The following MUC7 variants were observed in gnomAD, a reference collection of about 807,000 sequenced individuals.
The protein encoded by MUC7 is mucin 7, secreted, also known as mucin-7.
A neutral mutation model predicts 2.5 loss-of-function variants in MUC7; 2 were observed. The ratio of observed to expected loss-of-function variants is 0.81; its 90% CI spans 0.33 to 2.55. MUC7 has a LOEUF of 2.55. Among genes scored for constraint, MUC7 ranks in the 30% most tolerant of loss-of-function variants. MUC7 has a pLI of 0.11. For missense variants in MUC7, 408 were observed against 455.6 expected (o/e 0.90, Z 0.95); for synonymous variants, 133 against 173.4 (o/e 0.77, Z 1.83).
chr4:70,435,126 A>T (rs1733793365), intron 1 of MUC7, among the ~76,000 whole-genome samples: 1 of 152,076 alleles, frequency 6.6e-6, no homozygotes, highest in Admixed American at 6.6e-5. Flanking sequence ...TTTATTTCCA[A>T]TTATGTGGTC....
At chr4:70,435,026 T>A (rs1254842294) in intron 1 of MUC7, among the ~76,000 whole-genome samples, 2 of 152,204 alleles carry the variant, frequency 1.3e-5, no homozygotes, top group Non-Finnish European at 1.5e-5. Context: ...TTTGAGTGAG[T>A]TTCTTAATCC....
chr4:70,433,867 T>C (rs762572288), intron 1 of MUC7, among the ~76,000 whole-genome samples: 2 of 152,230 alleles, frequency 1.3e-5, no homozygotes, highest in African/African-American at 2.4e-5. Context: ...GGGATTGTCA[T>C]AAATAGCTCT....
intron 1 of MUC7, among the ~76,000 whole-genome samples, chr4:70,431,811 A>G (rs1733674084): frequency 1.3e-5 from 2 of 152,016 alleles, no homozygotes; most frequent in Admixed American, 6.6e-5. Context: ...GGTTTCTTAC[A>G]TATGTATACA....
In MUC7 at chr4:70,481,886, T is replaced by C; in HGVS notation, c.*8T>C. 6.2e-7 allele frequency: 1 copy of C among 1,611,174 alleles called. No individual in the cohort carries two copies. The highest frequency in any genetic ancestry group is 8.5e-7 in the Non-Finnish European group (1 of 1,178,628). On this transcript the variant is annotated 3_prime_UTR_variant, in exon 3 of 3. Transcript: ENST00000304887. Reference sequence around the variant, plus strand: ...GACATGGTGGAGCAATAGTATATTGTATGTTGTAAAGTGTTCTGTCATTTA... The same window carrying C: ...GACATGGTGGAGCAATAGTATATTGCATGTTGTAAAGTGTTCTGTCATTTA...
At chr4:70,454,668 A>C (rs2109718991) in intron 1 of MUC7, among the ~76,000 whole-genome samples, 1 of 152,252 alleles carries the variant, frequency 6.6e-6, no homozygotes, top group East Asian at 1.9e-4. Context: ...TTTTCTGTGT[A>C]GATAGTGGTC....
Position 70,435,529 on chromosome 4 carries a change from G to A in MUC7, c.-93+4842G>A, listed in dbSNP as rs147985326. 9.9e-5 allele frequency among the ~76,000 whole-genome samples: 15 copies of A among 152,246 alleles called. No individual in the cohort carries two copies. In the East Asian group the frequency reaches 2.9e-3, roughly 29 times the overall value. ...ATCAGAGACTAGGATTGCAACCCCT[G>A]CTTTTTCTTGCTTTCCATTTCCTTG... On this transcript the variant is annotated intron_variant, in intron 1 of 3. Transcript: ENST00000413702.
intron 1 of MUC7, among the ~76,000 whole-genome samples, chr4:70,431,951 A>G (rs1053260557): frequency 6.6e-6 from 1 of 151,950 alleles, no homozygotes. Context: ...CCTGTGTCCA[A>G]GTGTTCTCAT....
intron 2 of MUC7, among the ~76,000 whole-genome samples, chr4:70,475,836 C>T (rs1734982526): frequency 6.6e-6 from 1 of 152,066 alleles, no homozygotes; most frequent in Non-Finnish European, 1.5e-5. Context: ...AGAGAGAGGG[C>T]AGAAGAACTG....
At chr4:70,459,765 C>T (rs1197954903) in intron 1 of MUC7, among the ~76,000 whole-genome samples, 1 of 152,032 alleles carries the variant, frequency 6.6e-6, no homozygotes, top group Non-Finnish European at 1.5e-5. Flanking sequence ...ATAATGAATA[C>T]AAAAATTTCA....
At chr4:70,461,936 C>T (rs1734567538) in intron 1 of MUC7, among the ~76,000 whole-genome samples, 1 of 152,160 alleles carries the variant, frequency 6.6e-6, no homozygotes, top group African/African-American at 2.4e-5. Context: ...GCTGGGCCGA[C>T]CATAGTGGCC....
At chr4:70,442,398 G>C (rs1157261017) in intron 1 of MUC7, among the ~76,000 whole-genome samples, 2 of 152,162 alleles carry the variant, frequency 1.3e-5, no homozygotes, top group Non-Finnish European at 2.9e-5. Flanking sequence ...CTGGCCTGCA[G>C]CCCACCTGCT....
chr4:70,478,086 C>A (rs571835462), intron 2 of MUC7, among the ~76,000 whole-genome samples: 1 of 152,200 alleles, frequency 6.6e-6, no homozygotes, highest in East Asian at 1.9e-4. Context: ...TTAAGTAAAT[C>A]AAACAAACTG....
At chr4:70,431,213 G>GA (rs1233288616) in intron 1 of MUC7, among the ~76,000 whole-genome samples, 2 of 152,014 alleles carry the variant, frequency 1.3e-5, no homozygotes, top group Non-Finnish European at 2.9e-5. Flanking sequence ...GAACATATGA[G>GA]AAAAATGTTT....
chr4:70,473,671 A>G (rs1279678754), intron 1 of MUC7, among the ~76,000 whole-genome samples: 1 of 152,172 alleles, frequency 6.6e-6, no homozygotes, highest in Non-Finnish European at 1.5e-5. Context: ...TGAATTAGAA[A>G]AGAAATAAGA....
intron 1 of MUC7, among the ~76,000 whole-genome samples, chr4:70,447,818 A>T (rs1455208153): frequency 6.6e-6 from 1 of 152,172 alleles, no homozygotes; most frequent in Non-Finnish European, 1.5e-5. Flanking sequence ...AGTTATTTTT[A>T]AATGTACAAT....
chr4:70,467,171 A>C (rs535283503), intron 1 of MUC7, among the ~76,000 whole-genome samples: 173 of 152,374 alleles, frequency 1.1e-3, no homozygotes, highest in African/African-American at 4.1e-3. Flanking sequence ...TGGTTAAATA[A>C]GGAAATTAAG....
upstream of MUC7, among the ~76,000 whole-genome samples, chr4:70,468,783 C>G (rs551016070): frequency 1.1e-4 from 16 of 152,244 alleles, no homozygotes; most frequent in South Asian, 3.3e-3. Flanking sequence ...AAAAACATTC[C>G]ATGCTCATGG....
At position 70,481,197 on chromosome 4, in the gene MUC7, A is replaced by G. The variant is rs1735161489; in HGVS notation, c.453A>G (p.Val151=). The G allele has an allele frequency of 6.2e-7, 1 of 1,614,188 alleles. No individual in the cohort carries two copies. Among genetic ancestry groups the G allele is most frequent in the Non-Finnish European group, 8.5e-7 (1 of 1,180,020 alleles). ...AAAATGTTAACACAAGCTCTTCTGTAGCTACATTAGCACCAGTGAATTCCC... is the reference window on the plus strand; with the variant it reads ...AAAATGTTAACACAAGCTCTTCTGTGGCTACATTAGCACCAGTGAATTCCC... The part of the protein sequence containing the change: ...SRENVNTSSS[V]ATLAPVNSPA... The change falls in exon 3 of 3, where the codon GTA becomes GTG. Residue 151 remains valine (V), a synonymous_variant. Transcript: ENST00000304887.
chr4:70,481,554 C>T lies in MUC7; in HGVS notation c.810C>T (p.Asp270=), dbSNP rs1735190340. The change falls in exon 3 of 3, where the codon GAC becomes GAT. Residue 270 remains aspartate (D), a synonymous_variant. Coordinates refer to ENST00000304887, the MANE Select transcript of MUC7 (RefSeq NM_152291.3). ...VPPTPSATTL[D]PSSASAPPET... is the part of the protein sequence containing the mutation. ...CCACACCTTCTGCAACTACCCTAGA[C>T]CCATCATCCGCCTCAGCTCCACCAG... 3.3e-6 allele frequency: 5 copies of T among 1,511,502 alleles called. No homozygotes were observed. In the East Asian group the frequency reaches 1.3e-4, roughly 39 times the overall value. The allele number at this position is 1,511,502 out of a possible 1,614,324, so 93.6% of individuals were successfully genotyped here. A position where few individuals can be genotyped will look rare whatever the true frequency, so the allele number is the denominator to read the frequency against.
Sources: gnomAD v4.1 joint callset for allele counts (sites outside exome capture counted in the v4.1 genomes callset) on GRCh38, gnomAD v4.1.1 for gene constraint, MANE v1.5 for transcripts, NCBI Gene and HGNC (gene_info 2026-07-23, HGNC 2026-07-21) for gene names.